The following TDRP variants were observed in gnomAD, a reference collection of about 807,000 sequenced individuals.
TDRP encodes testis development-related protein.
Under a neutral mutation model 10.5 loss-of-function variants are expected in TDRP, and 12 were observed. The ratio of observed to expected loss-of-function variants is 1.15; its 90% CI spans 0.73 to 1.86. The LOEUF (loss-of-function observed/expected upper bound fraction) is 1.86, where lower values mean the gene tolerates loss of function less well. Among genes scored for constraint, TDRP ranks in the 40% most tolerant of loss-of-function variants. The probability of loss-of-function intolerance (pLI) is 0.00; values close to 1 mark genes in which losing one functional copy is unlikely to be tolerated. For missense variants in TDRP, 353 were observed against 229.2 expected (o/e 1.54, Z -3.49); for synonymous variants, 139 against 95.4 (o/e 1.46, Z -2.67).
At chr8:522,334 G>C (rs960227743) in intron 1 of TDRP, among the ~76,000 whole-genome samples, 1 of 152,160 alleles carries the variant, frequency 6.6e-6, no homozygotes, top group Non-Finnish European at 1.5e-5. Flanking sequence ...AAACTCAGTT[G>C]TATGTAAGAA....
intron 1 of TDRP, among the ~76,000 whole-genome samples, chr8:525,180 G>A (rs950769884): frequency 6.6e-6 from 1 of 152,108 alleles, no homozygotes; most frequent in African/African-American, 2.4e-5. Context: ...TTAAAGTGCT[G>A]AAGGAAAAAC....
intron 1 of TDRP, among the ~76,000 whole-genome samples, chr8:506,542 T>G (rs1430514765): frequency 6.6e-6 from 1 of 152,172 alleles, no homozygotes; most frequent in Non-Finnish European, 1.5e-5. Context: ...GGCGCTGCTG[T>G]GCATGTGCTG....
intron 1 of TDRP, among the ~76,000 whole-genome samples, chr8:506,839 T>A (rs529898073): frequency 6.6e-6 from 1 of 152,282 alleles, no homozygotes; most frequent in Admixed American, 6.5e-5. Flanking sequence ...CCCACTTCAT[T>A]TGCACAGAGT....
intron 1 of TDRP, among the ~76,000 whole-genome samples, chr8:521,568 T>C (rs956557558): frequency 6.6e-6 from 1 of 152,256 alleles, no homozygotes; most frequent in Non-Finnish European, 1.5e-5. Context: ...CTTATTTCTC[T>C]CTACTCTGTT....
chr8:493,310 A>G (rs922136286), intron 2 of TDRP, among the ~76,000 whole-genome samples: 1 of 152,234 alleles, frequency 6.6e-6, no homozygotes, highest in Admixed American at 6.5e-5. Flanking sequence ...ACCTGGGAAC[A>G]TTGTTAAGAA....
Position 538,139 on chromosome 8 carries a change from C to A in TDRP, c.108+6511G>T, listed in dbSNP as rs573419088. 4.6e-5 allele frequency among the ~76,000 whole-genome samples: 7 copies of A among 152,318 alleles called. No individual in the cohort carries two copies. In the East Asian group the frequency reaches 1.2e-3, roughly 25 times the overall value. The stretch of plus-strand genomic sequence containing the variant: ...AGGAGAGGTTTGGTTCAGCTCCCAA[C>A]AGGCAAAGACAGCTGTGATTTGCAG... On this transcript the variant is annotated intron_variant, in intron 1 of 2. Transcript: ENST00000324079.
At chr8:501,790 G>T (rs1584855875) in intron 1 of TDRP, among the ~76,000 whole-genome samples, 1 of 152,220 alleles carries the variant, frequency 6.6e-6, no homozygotes, top group Non-Finnish European at 1.5e-5. Flanking sequence ...ATGGGACTCA[G>T]TACAGACGGT....
chr8:543,036 G>A (rs1367702206), intron 1 of TDRP, among the ~76,000 whole-genome samples: 1 of 152,154 alleles, frequency 6.6e-6, no homozygotes, highest in Admixed American at 6.5e-5. Flanking sequence ...GGCCAGGCGT[G>A]GTGACTCACG....
In TDRP at chr8:490,633, T is replaced by C; in HGVS notation, c.*1766A>G. ...TGCAGAAGTCATGAAATGGTGTATG[T>C]TTTTACTATCCCAGCAAGCACTTCT... On this transcript the variant is annotated 3_prime_UTR_variant, in exon 3 of 3. Transcript: ENST00000324079. The C allele has an allele frequency of 6.6e-6, 1 of 152,248 alleles. No homozygotes were observed. 9.4% of individuals were successfully genotyped at this position (152,248 alleles called of 1,614,324 possible).
At chr8:522,664 T>G (rs1177324202) in intron 1 of TDRP, among the ~76,000 whole-genome samples, 1 of 152,220 alleles carries the variant, frequency 6.6e-6, no homozygotes, top group African/African-American at 2.4e-5. Context: ...GACTCTTTGT[T>G]TGGGGCTCAG....
intron 1 of TDRP, among the ~76,000 whole-genome samples, chr8:542,224 G>A (rs984891396): frequency 6.6e-6 from 1 of 152,166 alleles, no homozygotes; most frequent in Non-Finnish European, 1.5e-5. Context: ...ACAGTACAAA[G>A]ATCAATGTTT....
At chr8:529,320 G>A (rs6986496) in intron 1 of TDRP, among the ~76,000 whole-genome samples, 105,239 of 152,000 alleles carry the variant, frequency 0.69, 36,815 homozygotes, top group African/African-American at 0.74. Flanking sequence ...ACCAAATCGA[G>A]TATTTTATAT....
At chr8:495,413 T>C (rs1053859961) in intron 1 of TDRP, among the ~76,000 whole-genome samples, 1 of 152,218 alleles carries the variant, frequency 6.6e-6, no homozygotes, top group African/African-American at 2.4e-5. Flanking sequence ...TCTACAAGTG[T>C]AGATTTCTGA....
At chr8:532,451 T>G (rs1018820031) in intron 1 of TDRP, among the ~76,000 whole-genome samples, 5 of 152,230 alleles carry the variant, frequency 3.3e-5, no homozygotes, top group African/African-American at 1.2e-4. Flanking sequence ...TCTTCTAGCT[T>G]CTATACTCTG....
intron 1 of TDRP, among the ~76,000 whole-genome samples, chr8:500,988 C>T (rs539369409): frequency 3.3e-5 from 5 of 152,218 alleles, no homozygotes; most frequent in South Asian, 2.1e-4. Context: ...GGGTGGATCA[C>T]AAGGTCAGGA....
At chr8:517,212 G>A (rs985970518) in intron 1 of TDRP, among the ~76,000 whole-genome samples, 12 of 151,942 alleles carry the variant, frequency 7.9e-5, no homozygotes, top group African/African-American at 2.9e-4. Flanking sequence ...ACCTAACTCT[G>A]GTACAGCATC....
chr8:515,906 G>A (rs753301531), intron 1 of TDRP, among the ~76,000 whole-genome samples: 7 of 151,848 alleles, frequency 4.6e-5, no homozygotes, highest in Non-Finnish European at 7.4e-5. Context: ...AAAAATGGCT[G>A]AATATAAAAG....
At position 491,928 on chromosome 8, in the gene TDRP, A is replaced by C; in HGVS notation, c.*471T>G. 2 of 1,142,756 alleles carry C rather than the reference A, an allele frequency of 1.8e-6. No homozygotes were observed. The highest frequency in any genetic ancestry group is 3.2e-5 in the African/African-American group (2 of 62,284). 70.8% of individuals were successfully genotyped at this position (1,142,756 alleles called of 1,614,324 possible). The stretch of plus-strand genomic sequence containing the variant: ...AGTTTAATTTGTCAAGTTAAACAAA[A>C]TTTAACATAACTTTGGAAGATTCAT... On this transcript the variant is annotated 3_prime_UTR_variant, in exon 3 of 3. Coordinates refer to ENST00000324079, the MANE Select transcript of TDRP (RefSeq NM_001384899.1).
intron 1 of TDRP, among the ~76,000 whole-genome samples, chr8:531,397 C>T (rs913145819): frequency 2.6e-5 from 4 of 152,118 alleles, no homozygotes; most frequent in Non-Finnish European, 5.9e-5. Context: ...GTGAATTGGG[C>T]ACCCGTTGGT....
Sources: gnomAD v4.1 joint callset for allele counts (sites outside exome capture counted in the v4.1 genomes callset) on GRCh38, gnomAD v4.1.1 for gene constraint, MANE v1.5 for transcripts, NCBI Gene and HGNC (gene_info 2026-07-23, HGNC 2026-07-21) for gene names.